The following ACTL8 variants were observed in gnomAD, a reference collection of about 807,000 sequenced individuals.
ACTL8 encodes the protein actin like 8.
A neutral mutation model predicts 9.3 loss-of-function variants in ACTL8; 3 were observed. The observed-to-expected ratio is 0.32, with a 90% CI of 0.15 to 0.83. The LOEUF is 0.83. Ranked by LOEUF, ACTL8 falls within the 40% of genes least tolerant of loss-of-function variation. The probability of loss-of-function intolerance (pLI) is 0.57; values close to 1 mark genes in which losing one functional copy is unlikely to be tolerated. For missense variants in ACTL8, 381 were observed against 492.2 expected (o/e 0.77, Z 2.14); for synonymous variants, 224 against 205.9 (o/e 1.09, Z -0.75).
intron 1 of ACTL8, among the ~76,000 whole-genome samples, chr1:17,799,491 G>T (rs80309969): frequency 1.3e-5 from 2 of 150,134 alleles, no homozygotes; most frequent in African/African-American, 4.9e-5. Context: ...TTCTAAGTTC[G>T]TTCCATGTCA....
intron 1 of ACTL8, among the ~76,000 whole-genome samples, chr1:17,819,957 C>T (rs978424563): frequency 3.9e-5 from 6 of 151,900 alleles, no homozygotes; most frequent in Admixed American, 2.6e-4. Flanking sequence ...TGAAGTGAGA[C>T]GCGATCGTGC....
intron 1 of ACTL8, among the ~76,000 whole-genome samples, chr1:17,817,248 T>C (rs11810763): frequency 0.022 from 3,411 of 151,962 alleles, 127 homozygotes; most frequent in African/African-American, 0.075. Flanking sequence ...CTGCCATGTC[T>C]TTCAATTTTG....
chr1:17,802,077 C>T (rs1184576303), intron 1 of ACTL8, among the ~76,000 whole-genome samples: 1 of 152,112 alleles, frequency 6.6e-6, no homozygotes, highest in African/African-American at 2.4e-5. Flanking sequence ...AAATGGATGC[C>T]CTGCATTTCT....
chr1:17,783,335 GTTTTT>G (rs56666980), intron 1 of ACTL8, among the ~76,000 whole-genome samples: 13 of 139,202 alleles, frequency 9.3e-5, no homozygotes, highest in African/African-American at 3.1e-4. Context: ...AAAAAGAGGA[GTTTTT>G]TTTTTTGTTT....
At chr1:17,755,625 C>T (rs746328628) in intron 1 of ACTL8, 121 bp downstream of exon 1, 3 of 151,712 alleles carry the variant, frequency 2.0e-5, no homozygotes, top group Non-Finnish European at 1.5e-5. Context: ...GGCTGTCAGC[C>T]CCCAAGGGTT....
intron 1 of ACTL8, among the ~76,000 whole-genome samples, chr1:17,818,219 C>T (rs1043164385): frequency 6.6e-6 from 1 of 152,112 alleles, no homozygotes; most frequent in Non-Finnish European, 1.5e-5. Context: ...TGGTATCTTC[C>T]TTCATTCTTC....
intron 1 of ACTL8, among the ~76,000 whole-genome samples, chr1:17,820,568 CTTT>C (rs36094618): frequency 2.2e-5 from 3 of 139,506 alleles, no homozygotes; most frequent in Non-Finnish European, 3.1e-5. Context: ...GTATGTTGAA[CTTT>C]TTTTTTTTTT....
chr1:17,783,443 G>A (rs995370535), intron 1 of ACTL8, among the ~76,000 whole-genome samples: 1 of 151,832 alleles, frequency 6.6e-6, no homozygotes, highest in Admixed American at 6.6e-5. Context: ...TGAAGGTGGT[G>A]GTCCGTATTT....
chr1:17,810,882 G>A (rs1290856951), intron 1 of ACTL8, among the ~76,000 whole-genome samples: 1 of 152,194 alleles, frequency 6.6e-6, no homozygotes, highest in Non-Finnish European at 1.5e-5. Context: ...ATGTACCACA[G>A]TTTGTTCATT....
In ACTL8 at chr1:17,825,959, T is replaced by C; in HGVS notation, c.541T>C (p.Ser181Pro). ...KTLEFAGQDL[S>P]AYLLKSLFKE... ...GCTGGAGTTCGCCGGCCAGGATCTC[T>C]CCGCCTATCTCCTCAAGAGTCTCTT... Residue 181 changes from serine to proline, a missense_variant, in exon 3 of 3, where the codon TCC (serine) becomes CCC (proline). This residue lies in a region of ACTL8 where 243 missense variants were observed against 276.2 expected (regional missense o/e 0.88). Transcript: ENST00000375406. The C allele has an allele frequency of 1.2e-6, 2 of 1,610,518 alleles. No individual in the cohort carries two copies. Among genetic ancestry groups the C allele is most frequent in the Non-Finnish European group, 1.7e-6 (2 of 1,180,006 alleles).
intron 1 of ACTL8, among the ~76,000 whole-genome samples, chr1:17,797,358 C>T (rs1346906681): frequency 3.3e-5 from 5 of 152,164 alleles, no homozygotes; most frequent in African/African-American, 4.8e-5. Flanking sequence ...TATGAGACCA[C>T]GTATGCTTTG....
chr1:17,793,197 C>T (rs2066253763), intron 1 of ACTL8, among the ~76,000 whole-genome samples: 1 of 152,220 alleles, frequency 6.6e-6, no homozygotes, highest in African/African-American at 2.4e-5. Context: ...TGTGCCAGAT[C>T]TAGTGTCTCC....
At chr1:17,782,176 G>C (rs759000808) in intron 1 of ACTL8, among the ~76,000 whole-genome samples, 1 of 152,144 alleles carries the variant, frequency 6.6e-6, no homozygotes, top group Non-Finnish European at 1.5e-5. Context: ...CCCTGATTCA[G>C]ACTCCAGTTA....
intron 1 of ACTL8, among the ~76,000 whole-genome samples, chr1:17,800,515 C>T (rs745861166): frequency 1.3e-5 from 2 of 151,522 alleles, no homozygotes; most frequent in Non-Finnish European, 2.9e-5. Context: ...TGCCCTACTG[C>T]CCTTGCCGGG....
In ACTL8 at chr1:17,825,774, T is replaced by C. The variant is rs971731838; in HGVS notation, c.356T>C (p.Phe119Ser). ...AATTCTCCCTCGTTGCAGATCCTGT[T>C]TGAGTTGCTGCATGTCCCATCGGTC... The part of the protein sequence containing the change: ...ADRKKMLEIL[F>S]ELLHVPSVLL... The change falls in exon 3 of 3, where the codon TTT (phenylalanine) becomes TCT (serine). Residue 119 changes from phenylalanine to serine, a missense_variant. Phe to Ser is a radical substitution (Grantham distance 155). This residue lies in a region of ACTL8 where 125 missense variants were observed against 180.7 expected (regional missense o/e 0.69). Coordinates refer to ENST00000375406, the MANE Select transcript of ACTL8 (RefSeq NM_030812.3). The C allele has an allele frequency of 4.3e-6, 7 of 1,611,540 alleles. No individual in the cohort carries two copies. The highest frequency in any genetic ancestry group is 1.3e-5 in the African/African-American group (1 of 74,908).
intron 1 of ACTL8, among the ~76,000 whole-genome samples, chr1:17,812,160 A>G (rs1319040720): frequency 6.6e-6 from 1 of 152,000 alleles, no homozygotes; most frequent in Admixed American, 6.6e-5. Context: ...ACCCAGCTCT[A>G]TCTTGATTAT....
intron 1 of ACTL8, among the ~76,000 whole-genome samples, chr1:17,769,401 C>G (rs1376967007): frequency 6.6e-6 from 1 of 152,230 alleles, no homozygotes; most frequent in Non-Finnish European, 1.5e-5. Flanking sequence ...GCAGAAAAAT[C>G]TAATTTTCAC....
intron 1 of ACTL8, among the ~76,000 whole-genome samples, chr1:17,766,826 T>C (rs2066047816): frequency 6.6e-6 from 1 of 152,122 alleles, no homozygotes; most frequent in Non-Finnish European, 1.5e-5. Context: ...TGCATTTTTT[T>C]CTCAGGGGTG....
intron 1 of ACTL8, among the ~76,000 whole-genome samples, chr1:17,816,204 T>C (rs2066425223): frequency 6.6e-6 from 1 of 151,284 alleles, no homozygotes. Flanking sequence ...TAATAGCTTT[T>C]TTTTTTTTTT....
Sources: allele counts gnomAD v4.1 joint callset (sites outside exome capture counted in the v4.1 genomes callset), GRCh38; gene constraint gnomAD v4.1.1; regional missense constraint gnomAD v4.1.1; transcripts MANE v1.5; gene names NCBI Gene and HGNC (gene_info 2026-07-23, HGNC 2026-07-21).